Variants in KCNQ5 observed in about 807,000 individuals in gnomAD.
KCNQ5 encodes the protein potassium voltage-gated channel subfamily KQT member 5.
In KCNQ5, 30 loss-of-function variants were observed where a neutral mutation model predicts 98.2. That is an observed-to-expected ratio of 0.31 (90% confidence interval 0.23 to 0.41). KCNQ5 has a LOEUF of 0.41. KCNQ5 is among the 10% of genes least tolerant of loss of function. The pLI, the probability that KCNQ5 is intolerant of heterozygous loss-of-function variation, is 1.00. For synonymous variants in KCNQ5, 458 were observed against 449.4 expected, an observed-to-expected ratio of 1.02 and a Z score of -0.24; for missense variants, 835 against 1,182.5, an observed-to-expected ratio of 0.71 and a Z score of 4.31.
At position 73,195,468 on chromosome 6, in the gene KCNQ5, A is replaced by G; in HGVS notation, c.*54A>G. ...GTTCTTTAGCCATACATATCATTGC[A>G]TGAACTATTTCGAAAGCCCTTCTAA... On this transcript the variant is annotated 3_prime_UTR_variant, in exon 14 of 14. Transcript: ENST00000370398. The G allele has an allele frequency of 2.6e-6, 4 of 1,557,126 alleles. No homozygotes were observed. The highest frequency in any genetic ancestry group is 3.5e-6 in the Non-Finnish European group (4 of 1,154,086).
At chr6:73,100,096 T>C (rs1031279550) in intron 5 of KCNQ5, among the ~76,000 whole-genome samples, 3 of 152,138 alleles carry the variant, frequency 2.0e-5, no homozygotes, top group African/African-American at 4.8e-5. Context: ...GAATGACCAA[T>C]GGGTCAATGA....
chr6:73,064,285 G>A (rs1173766696), intron 3 of KCNQ5, among the ~76,000 whole-genome samples: 1 of 152,156 alleles, frequency 6.6e-6, no homozygotes, highest in Non-Finnish European at 1.5e-5. Flanking sequence ...TGGCTGCTAA[G>A]TTTCAGAGGG....
chr6:73,036,023 G>GTC (rs1212498323), intron 2 of KCNQ5, among the ~76,000 whole-genome samples: 3 of 145,974 alleles, frequency 2.1e-5, no homozygotes, highest in African/African-American at 7.5e-5. Context: ...GTGTGTGTGT[G>GTC]TGTGTGTATT....
intron 3 of KCNQ5, among the ~76,000 whole-genome samples, chr6:73,071,453 T>G (rs1260498262): frequency 6.6e-6 from 1 of 152,184 alleles, no homozygotes; most frequent in East Asian, 1.9e-4. Context: ...AATAAGTGTC[T>G]TAGTCTATTT....
chr6:72,627,289 G>A (rs574759649), intron 1 of KCNQ5, among the ~76,000 whole-genome samples: 4 of 152,250 alleles, frequency 2.6e-5, no homozygotes, highest in Middle Eastern at 3.4e-3. Context: ...AGAATATATA[G>A]AGTGAGTGAG....
chr6:72,732,043 T>C lies in KCNQ5; in HGVS notation c.398+109456T>C, dbSNP rs576549490. Among the ~76,000 whole-genome samples, 4 of 152,316 alleles carry C rather than the reference T, an allele frequency of 2.6e-5. No individual in the cohort carries two copies. In the East Asian group the frequency reaches 5.8e-4, roughly 22 times the overall value. On this transcript the variant is annotated intron_variant, in intron 1 of 13. Coordinates refer to ENST00000370398, the MANE Select transcript of KCNQ5 (RefSeq NM_019842.4). ...AGCTTGAAAATGTGTTCAAGAGTAATTGAATCACATGTTCCCTTTTTTCCT... is the reference window on the plus strand; with the variant it reads ...AGCTTGAAAATGTGTTCAAGAGTAACTGAATCACATGTTCCCTTTTTTCCT...
chr6:72,885,974 G>C (rs1237005350), intron 1 of KCNQ5, among the ~76,000 whole-genome samples: 1 of 152,168 alleles, frequency 6.6e-6, no homozygotes, highest in East Asian at 1.9e-4. Flanking sequence ...TTATCTGTGT[G>C]TTCCCCCAAA....
intron 1 of KCNQ5, among the ~76,000 whole-genome samples, chr6:72,681,249 G>T (rs755886340): frequency 6.6e-6 from 1 of 152,216 alleles, no homozygotes; most frequent in Non-Finnish European, 1.5e-5. Context: ...CTTGCTGTGT[G>T]ATGATGCTAG....
At chr6:72,988,562 A>G (rs186951703) in intron 1 of KCNQ5, among the ~76,000 whole-genome samples, 7 of 152,116 alleles carry the variant, frequency 4.6e-5, no homozygotes, top group African/African-American at 1.4e-4. Flanking sequence ...TACTGTGATG[A>G]CTACCAGAGT....
intron 1 of KCNQ5, among the ~76,000 whole-genome samples, chr6:72,722,268 C>T (rs1392978456): frequency 6.6e-6 from 1 of 152,206 alleles, no homozygotes; most frequent in Non-Finnish European, 1.5e-5. Context: ...TCCACTCTGT[C>T]CACTACTTCT....
intron 7 of KCNQ5, among the ~76,000 whole-genome samples, chr6:73,118,008 A>G (rs1775578056): frequency 1.3e-5 from 2 of 152,216 alleles, no homozygotes; most frequent in Non-Finnish European, 2.9e-5. Context: ...CCTCAAAAAT[A>G]TAAAAAGTCC....
chr6:72,850,890 A>T (rs1228531566), intron 1 of KCNQ5, among the ~76,000 whole-genome samples: 1 of 152,170 alleles, frequency 6.6e-6, no homozygotes, highest in Admixed American at 6.6e-5. Flanking sequence ...GAGTGCCTCA[A>T]ATCTTGGTGA....
intron 5 of KCNQ5, among the ~76,000 whole-genome samples, chr6:73,078,734 C>T (rs1345431245): frequency 2.0e-5 from 3 of 152,154 alleles, no homozygotes; most frequent in Admixed American, 6.5e-5. Context: ...TACCAGTTAT[C>T]AACAACTTAC....
intron 3 of KCNQ5, among the ~76,000 whole-genome samples, chr6:73,061,967 A>G (rs1430903153): frequency 6.6e-6 from 1 of 152,186 alleles, no homozygotes; most frequent in Admixed American, 6.5e-5. Flanking sequence ...TCCTCAAAAT[A>G]TCTTCAATAA....
At chr6:72,679,630 G>T (rs1049959407) in intron 1 of KCNQ5, among the ~76,000 whole-genome samples, 4 of 151,328 alleles carry the variant, frequency 2.6e-5, no homozygotes, top group African/African-American at 4.9e-5. Flanking sequence ...GCTAAATGAT[G>T]AGTTAATGGG....
At chr6:72,623,669 C>CT (rs1486450896) in intron 1 of KCNQ5, among the ~76,000 whole-genome samples, 2 of 151,850 alleles carry the variant, frequency 1.3e-5, no homozygotes, top group South Asian at 2.1e-4. Context: ...TTTGCTTCCT[C>CT]TTTTTTTAGT....
At chr6:73,039,912 G>A (rs1771612620) in intron 2 of KCNQ5, among the ~76,000 whole-genome samples, 1 of 152,036 alleles carries the variant, frequency 6.6e-6, no homozygotes, top group African/African-American at 2.4e-5. Flanking sequence ...CAAGGATAAG[G>A]TGGGTTGATG....
At chr6:72,746,293 T>A (rs1050346013) in intron 1 of KCNQ5, among the ~76,000 whole-genome samples, 1 of 152,198 alleles carries the variant, frequency 6.6e-6, no homozygotes, top group African/African-American at 2.4e-5. Flanking sequence ...TTCCCCTTGC[T>A]ACCGATTGCC....
At chr6:72,640,639 C>T (rs1224296697) in intron 1 of KCNQ5, 2 of 152,142 alleles carry the variant, frequency 1.3e-5, no homozygotes, top group African/African-American at 2.4e-5. Flanking sequence ...AAAACACACT[C>T]TTAAAGCAGG....
Sources: gnomAD v4.1 joint callset for allele counts (sites outside exome capture counted in the v4.1 genomes callset) on GRCh38, gnomAD v4.1.1 for gene constraint, MANE v1.5 for transcripts, NCBI Gene and HGNC (gene_info 2026-07-23, HGNC 2026-07-21) for gene names.